TCF7L2: variants seen among roughly 807,000 people sequenced by gnomAD.
The protein encoded by TCF7L2 is transcription factor 7 like 2.
A neutral mutation model predicts 77.9 loss-of-function variants in TCF7L2; 23 were observed. The ratio of observed to expected loss-of-function variants is 0.30; its 90% CI spans 0.21 to 0.42. The LOEUF (loss-of-function observed/expected upper bound fraction) is 0.42. Among genes scored for constraint, TCF7L2 ranks in the 10% least tolerant of loss-of-function variants. The pLI is 1.00. For synonymous variants in TCF7L2, 413 were observed against 340.2 expected (o/e 1.21, Z -2.36); for missense variants, 654 against 793.1 (o/e 0.82, Z 2.11).
At chr10:113,040,337 C>A (rs1274289132) in intron 5 of TCF7L2, among the ~76,000 whole-genome samples, 1 of 152,160 alleles carries the variant, frequency 6.6e-6, no homozygotes, top group African/African-American at 2.4e-5. Context: ...ATTTTACAAA[C>A]CTTTCCTCCA....
chr10:113,050,445 C>A (rs1047508910), intron 5 of TCF7L2, among the ~76,000 whole-genome samples: 8 of 152,034 alleles, frequency 5.3e-5, no homozygotes, highest in Non-Finnish European at 1.2e-4. Flanking sequence ...AAAGTTAGAC[C>A]CAACTCAAGA....
intron 5 of TCF7L2, among the ~76,000 whole-genome samples, chr10:113,061,890 T>C (rs1243861498): frequency 6.6e-6 from 1 of 152,208 alleles, no homozygotes; most frequent in Non-Finnish European, 1.5e-5. Context: ...CTAGAAGATG[T>C]TTCTAAAAGA....
At chr10:113,034,268 T>C (rs1208521761) in intron 4 of TCF7L2, among the ~76,000 whole-genome samples, 1 of 152,222 alleles carries the variant, frequency 6.6e-6, no homozygotes, top group Non-Finnish European at 1.5e-5. Context: ...TTTCCCTTTC[T>C]ATGGTGAGTG....
chr10:112,972,194 A>G (rs2038426070), intron 4 of TCF7L2, among the ~76,000 whole-genome samples: 1 of 152,280 alleles, frequency 6.6e-6, no homozygotes, highest in East Asian at 1.9e-4. Flanking sequence ...AGGGCTGGCT[A>G]AGTACTACAT....
chr10:112,972,789 A>C (rs1039790258), intron 4 of TCF7L2, among the ~76,000 whole-genome samples: 1 of 152,154 alleles, frequency 6.6e-6, no homozygotes, highest in African/African-American at 2.4e-5. Context: ...TTCTTTATTG[A>C]TTCTTCATAA....
At chr10:112,969,772 G>A (rs958385437) in intron 4 of TCF7L2, among the ~76,000 whole-genome samples, 4 of 152,208 alleles carry the variant, frequency 2.6e-5, no homozygotes, top group African/African-American at 9.6e-5. Context: ...TAACCTGGGA[G>A]GAGGACTAGC....
intron 3 of TCF7L2, among the ~76,000 whole-genome samples, chr10:112,961,094 A>T (rs1221654291): frequency 7.5e-6 from 1 of 133,478 alleles, no homozygotes. Context: ...GCTCACCGCA[A>T]CCTCCCCCTC....
intron 5 of TCF7L2, among the ~76,000 whole-genome samples, chr10:113,049,404 T>G (rs1339314030): frequency 6.6e-6 from 1 of 152,092 alleles, no homozygotes; most frequent in Non-Finnish European, 1.5e-5. Flanking sequence ...GATTGCTCTT[T>G]TCTTTCATAC....
intron 4 of TCF7L2, among the ~76,000 whole-genome samples, chr10:113,023,174 T>C (rs1280869471): frequency 2.6e-5 from 4 of 152,158 alleles, no homozygotes; most frequent in Non-Finnish European, 5.9e-5. Flanking sequence ...TTAGTGTTTT[T>C]CCTCTCCACT....
intron 11 of TCF7L2, among the ~76,000 whole-genome samples, chr10:113,154,826 A>T (rs1029176459): frequency 6.6e-6 from 1 of 152,174 alleles, no homozygotes; most frequent in Non-Finnish European, 1.5e-5. Flanking sequence ...CTCTTGTAAG[A>T]GGTACTTAGA....
intron 4 of TCF7L2, among the ~76,000 whole-genome samples, chr10:112,976,800 G>A (rs1384957709): frequency 2.6e-5 from 4 of 152,084 alleles, no homozygotes; most frequent in Non-Finnish European, 5.9e-5. Flanking sequence ...TCTTTTCCAC[G>A]TATCTTAGAT....
intron 5 of TCF7L2, among the ~76,000 whole-genome samples, chr10:113,118,207 A>G (rs2064146073): frequency 6.6e-6 from 1 of 152,074 alleles, no homozygotes; most frequent in South Asian, 2.1e-4. Context: ...GAAAAAGTCA[A>G]TTAAAAGCAA....
intron 5 of TCF7L2, among the ~76,000 whole-genome samples, chr10:113,123,207 T>C (rs1426773651): frequency 1.3e-5 from 2 of 152,246 alleles, no homozygotes; most frequent in African/African-American, 4.8e-5. Context: ...CTAGTGCTGA[T>C]GCGGTCGTGC....
At chr10:113,100,845 G>A (rs1420828141) in intron 5 of TCF7L2, among the ~76,000 whole-genome samples, 1 of 152,200 alleles carries the variant, frequency 6.6e-6, no homozygotes. Flanking sequence ...GGAGGCTGAC[G>A]CAGGTGGATC....
At chr10:112,959,319 C>A (rs1030583706) in intron 3 of TCF7L2, among the ~76,000 whole-genome samples, 1 of 152,098 alleles carries the variant, frequency 6.6e-6, no homozygotes, top group Non-Finnish European at 1.5e-5. Context: ...TGTTGCAAGT[C>A]AATACTTCTT....
At chr10:113,083,257 TAGAC>T (rs1403603215) in intron 5 of TCF7L2, among the ~76,000 whole-genome samples, 1 of 58,872 alleles carries the variant, frequency 1.7e-5, no homozygotes, top group Non-Finnish European at 3.2e-5. Context: ...CATATACTGA[TAGAC>T]ACACACACAC....
intron 5 of TCF7L2, among the ~76,000 whole-genome samples, chr10:113,100,619 A>G (rs1652757277): frequency 6.6e-6 from 1 of 152,202 alleles, no homozygotes; most frequent in Admixed American, 6.5e-5. Flanking sequence ...TTAGAATTCC[A>G]TGAACCAAAA....
At chr10:113,010,956 G>T (rs2133601446) in intron 4 of TCF7L2, among the ~76,000 whole-genome samples, 1 of 152,238 alleles carries the variant, frequency 6.6e-6, no homozygotes, top group East Asian at 1.9e-4. Flanking sequence ...CAGTGAGCTG[G>T]CATTGTGCCA....
At chr10:113,020,864 G>C (rs369068907) in intron 4 of TCF7L2, among the ~76,000 whole-genome samples, 85 of 152,198 alleles carry the variant, frequency 5.6e-4, no homozygotes, top group African/African-American at 2.0e-3. Context: ...TGGACTCTTT[G>C]CATCTACAGA....
Sources: allele counts gnomAD v4.1 joint callset (sites outside exome capture counted in the v4.1 genomes callset), GRCh38; gene constraint gnomAD v4.1.1; transcripts MANE v1.5; gene names NCBI Gene and HGNC (gene_info 2026-07-23, HGNC 2026-07-21).